The following TM9SF3 variants were observed in gnomAD, a reference collection of about 807,000 sequenced individuals.
The protein encoded by TM9SF3 is SM-11044-binding protein.
Under a neutral mutation model 78.6 loss-of-function variants are expected in TM9SF3, and 14 were observed. The observed-to-expected ratio is 0.18, with a 90% CI of 0.12 to 0.28. The LOEUF is 0.28. Among genes scored for constraint, TM9SF3 ranks in the 10% least tolerant of loss-of-function variants. The pLI is 1.00. For synonymous variants in TM9SF3, 231 were observed against 241.7 expected (o/e 0.96, Z 0.41); for missense variants, 496 against 721.9 (o/e 0.69, Z 3.59).
chr10:96,560,469 C>T, intron 4 of TM9SF3: 1 of 758,950 alleles, frequency 1.3e-6, no homozygotes, highest in Non-Finnish European at 2.4e-6. Flanking sequence ...TGAAATCACA[C>T]CACCAGTGCT....
intron 1 of TM9SF3, among the ~76,000 whole-genome samples, chr10:96,580,008 G>A (rs916197600): frequency 2.0e-5 from 3 of 152,208 alleles, no homozygotes; most frequent in Admixed American, 6.5e-5. Flanking sequence ...GGAAGAGAGT[G>A]CTAGGCCCAG....
intron 14 of TM9SF3, among the ~76,000 whole-genome samples, chr10:96,523,105 G>A (rs1245811252): frequency 6.6e-6 from 1 of 151,796 alleles, no homozygotes; most frequent in East Asian, 1.9e-4. Context: ...GTTCTTTATT[G>A]CAAATATAGG....
chr10:96,579,173 T>G (rs1385071091), intron 1 of TM9SF3, among the ~76,000 whole-genome samples: 1 of 152,166 alleles, frequency 6.6e-6, no homozygotes. Flanking sequence ...ATTGGCAACT[T>G]GGTAAAAGAA....
chr10:96,528,522 A>G (rs1045284525), intron 11 of TM9SF3, among the ~76,000 whole-genome samples: 2 of 152,192 alleles, frequency 1.3e-5, no homozygotes, highest in African/African-American at 4.8e-5. Flanking sequence ...TAGATACAAC[A>G]CAATTCAAGC....
intron 1 of TM9SF3, among the ~76,000 whole-genome samples, chr10:96,582,267 T>C (rs546538984): frequency 4.6e-5 from 7 of 152,346 alleles, no homozygotes; most frequent in Non-Finnish European, 7.3e-5. Flanking sequence ...TGGAATTACA[T>C]GTAAAAGACA....
At chr10:96,561,407 C>T (rs1452433497) in intron 4 of TM9SF3, among the ~76,000 whole-genome samples, 2 of 152,174 alleles carry the variant, frequency 1.3e-5, no homozygotes, top group African/African-American at 4.8e-5. Flanking sequence ...TAGCAATGGA[C>T]TCATTCCAGC....
chr10:96,526,241 T>C (rs1168322206), intron 14 of TM9SF3, among the ~76,000 whole-genome samples: 2 of 152,106 alleles, frequency 1.3e-5, no homozygotes, highest in Non-Finnish European at 2.9e-5. Context: ...GCTCTTTCCA[T>C]ATCTCACCAT....
At chr10:96,559,778 AAATT>A in intron 4 of TM9SF3, 42 bp from the exon 5 acceptor site, 1 of 1,206,142 alleles carries the variant, frequency 8.3e-7, no homozygotes, top group Non-Finnish European at 1.2e-6. Context: ...GCCAGTAAAC[AAATT>A]AATAATCTGA....
intron 4 of TM9SF3, chr10:96,560,903 C>G (rs532073983): frequency 4.0e-4 from 210 of 521,760 alleles, no homozygotes; most frequent in Non-Finnish European, 6.1e-4. Flanking sequence ...AAAATGCAAG[C>G]AAGTATACAA....
At chr10:96,580,275 T>C (rs1479138604) in intron 1 of TM9SF3, among the ~76,000 whole-genome samples, 1 of 152,058 alleles carries the variant, frequency 6.6e-6, no homozygotes, top group East Asian at 1.9e-4. Context: ...TGTGTGTGTG[T>C]GTGTGTGTGA....
At chr10:96,532,052 T>C (rs1364108003) in intron 10 of TM9SF3, among the ~76,000 whole-genome samples, 3 of 151,456 alleles carry the variant, frequency 2.0e-5, no homozygotes, top group Non-Finnish European at 2.9e-5. Context: ...CTACTAAAAA[T>C]ACAAAAAATT....
Position 96,522,031 on chromosome 10 carries a change from T to C in TM9SF3, c.*232A>G. 3.9e-6 allele frequency: 2 copies of C among 509,280 alleles called. No homozygotes were observed. Among genetic ancestry groups the C allele is most frequent in the Non-Finnish European group, 6.8e-6 (2 of 292,146 alleles). 31.5% of individuals were successfully genotyped at this position (509,280 alleles called of 1,614,324 possible). ...GAAGATTAGCCATGTACTGTAGTAATGCCTACTGCATAAAATCCAAGCATT... is the reference window on the plus strand; with the variant it reads ...GAAGATTAGCCATGTACTGTAGTAACGCCTACTGCATAAAATCCAAGCATT... On this transcript the variant is annotated 3_prime_UTR_variant, in exon 15 of 15. Coordinates refer to ENST00000371142, the MANE Select transcript of TM9SF3 (RefSeq NM_020123.4).
chr10:96,539,530 AAAG>A (rs1431126034), intron 9 of TM9SF3, among the ~76,000 whole-genome samples: 3 of 152,228 alleles, frequency 2.0e-5, no homozygotes, highest in South Asian at 4.1e-4. Flanking sequence ...GGGAGAGACA[AAAG>A]AAGAAAAGAA....
At chr10:96,548,797 CAAAA>C (rs5787196) in intron 7 of TM9SF3, among the ~76,000 whole-genome samples, 1 of 58,474 alleles carries the variant, frequency 1.7e-5, no homozygotes, top group Admixed American at 1.7e-4. Flanking sequence ...GACTCCATCT[CAAAA>C]AAAAAAAAAA....
chr10:96,563,657 C>T (rs1848336315), intron 3 of TM9SF3, among the ~76,000 whole-genome samples: 2 of 152,286 alleles, frequency 1.3e-5, no homozygotes, highest in Non-Finnish European at 2.9e-5. Flanking sequence ...GGATTACAGG[C>T]GTGAGCCACC....
intron 9 of TM9SF3, among the ~76,000 whole-genome samples, chr10:96,542,222 C>T (rs531925478): frequency 6.6e-6 from 1 of 152,248 alleles, no homozygotes; most frequent in Non-Finnish European, 1.5e-5. Flanking sequence ...TACTCTTAAA[C>T]GGAGAAAAGG....
At chr10:96,580,888 G>C (rs1164463717) in intron 1 of TM9SF3, among the ~76,000 whole-genome samples, 1 of 152,014 alleles carries the variant, frequency 6.6e-6, no homozygotes, top group Non-Finnish European at 1.5e-5. Context: ...CAAAACTAAA[G>C]AACAGAGATG....
At chr10:96,571,628 A>G (rs764736949) in intron 2 of TM9SF3, among the ~76,000 whole-genome samples, 2 of 152,234 alleles carry the variant, frequency 1.3e-5, no homozygotes, top group African/African-American at 4.8e-5. Flanking sequence ...CTAAAAATAT[A>G]TAAGGCTCTA....
chr10:96,569,323 T>C (rs1294584317), intron 2 of TM9SF3, among the ~76,000 whole-genome samples: 1 of 152,210 alleles, frequency 6.6e-6, no homozygotes. Flanking sequence ...TAACGTAGAA[T>C]TTCAGAGGGC....
Sources: allele counts gnomAD v4.1 joint callset (sites outside exome capture counted in the v4.1 genomes callset), GRCh38; gene constraint gnomAD v4.1.1; transcripts MANE v1.5; gene names NCBI Gene and HGNC (gene_info 2026-07-23, HGNC 2026-07-21).